CTNNA3: variants seen among roughly 807,000 people sequenced by gnomAD.
The protein encoded by CTNNA3 is catenin alpha 3.
In CTNNA3, 76 loss-of-function variants were observed where a neutral mutation model predicts 95.7. The observed-to-expected ratio is 0.79, with a 90% CI of 0.66 to 0.96. The LOEUF (loss-of-function observed/expected upper bound fraction) is 0.96, where lower values mean the gene tolerates loss of function less well. CTNNA3 is among the 40% of genes least tolerant of loss of function. The pLI is 0.00. For missense variants in CTNNA3, 1,191 were observed against 1,089.8 expected, an observed-to-expected ratio of 1.09 and a Z score of -1.31; for synonymous variants, 431 against 374.4, an observed-to-expected ratio of 1.15 and a Z score of -1.74.
intron 17 of CTNNA3, among the ~76,000 whole-genome samples, chr10:65,961,200 G>T (rs2077834913): frequency 6.6e-6 from 1 of 152,054 alleles, no homozygotes; most frequent in Middle Eastern, 3.4e-3. Flanking sequence ...TGACCCTCAA[G>T]TATCTCTTTC....
intron 13 of CTNNA3, among the ~76,000 whole-genome samples, chr10:66,136,194 G>A (rs565266884): frequency 1.6e-3 from 240 of 152,244 alleles, no homozygotes; most frequent in African/African-American, 5.6e-3. Flanking sequence ...GAGCCACCGC[G>A]CCAGGCCACG....
chr10:67,393,823 T>A (rs1041834340), intron 5 of CTNNA3, among the ~76,000 whole-genome samples: 2 of 152,114 alleles, frequency 1.3e-5, no homozygotes, highest in African/African-American at 4.8e-5. Context: ...AATAAAAAGA[T>A]ATATATACCT....
intron 1 of CTNNA3, among the ~76,000 whole-genome samples, chr10:67,727,928 T>G (rs1841250127): frequency 7.5e-6 from 1 of 133,740 alleles, no homozygotes; most frequent in South Asian, 2.2e-4. Flanking sequence ...ATATATTACA[T>G]ATTATATTAT....
At chr10:66,574,303 A>G (rs1842945352) in intron 10 of CTNNA3, among the ~76,000 whole-genome samples, 1 of 152,110 alleles carries the variant, frequency 6.6e-6, no homozygotes, top group Non-Finnish European at 1.5e-5. Flanking sequence ...TAATGTAATA[A>G]TTACTACCAT....
At chr10:67,247,679 T>G (rs1373014535) in intron 5 of CTNNA3, among the ~76,000 whole-genome samples, 2 of 152,186 alleles carry the variant, frequency 1.3e-5, no homozygotes, top group African/African-American at 4.8e-5. Context: ...AAAATTCATA[T>G]GAAAATGTAA....
intron 12 of CTNNA3, among the ~76,000 whole-genome samples, chr10:66,360,765 TTCC>T (rs2092659705): frequency 9.2e-6 from 1 of 108,746 alleles, no homozygotes; most frequent in African/African-American, 3.6e-5. Flanking sequence ...CCTTCCTTCC[TTCC>T]TTTTCTTTCT....
chr10:66,536,163 CAGAGACAGAG>C (rs1463737469), intron 10 of CTNNA3, among the ~76,000 whole-genome samples: 12 of 115,858 alleles, frequency 1.0e-4, no homozygotes, highest in African/African-American at 2.7e-4. Flanking sequence ...GAGAGAGAGA[CAGAGACAGAG>C]AGAGACAGAG....
chr10:67,334,537 G>C (rs561987191), intron 5 of CTNNA3: 1 of 152,554 alleles, frequency 6.6e-6, no homozygotes, highest in East Asian at 1.9e-4. Context: ...TAGAAAACAA[G>C]AAGGCTCAGA....
In CTNNA3 at chr10:67,219,801, G is replaced by A. The variant is rs374834298; in HGVS notation, c.649C>T (p.Leu217Phe). The change falls in exon 6 of 18, where the codon CTC becomes TTC. Residue 217 changes from leucine to phenylalanine, a missense_variant. Leu to Phe is a conservative substitution (Grantham distance 22). Coordinates refer to ENST00000433211, the MANE Select transcript of CTNNA3 (RefSeq NM_013266.4). ...ARASLKENSP[L>F]LHSICSACLE... ...CAAGCTGAACAAATTGAATGCAAGA[G>A]GGGAGAGTTCTCCTTCAGTGAAGCT... 6.2e-7 allele frequency: 1 copy of A among 1,613,996 alleles called. No homozygotes were observed. Among genetic ancestry groups the A allele is most frequent in the Non-Finnish European group, 8.5e-7 (1 of 1,179,910 alleles).
intron 5 of CTNNA3, among the ~76,000 whole-genome samples, chr10:67,292,423 G>T (rs533354598): frequency 6.6e-6 from 1 of 151,972 alleles, no homozygotes; most frequent in African/African-American, 2.4e-5. Flanking sequence ...TCCCAACAAA[G>T]TAAAGTGGGA....
chr10:66,153,778 T>G (rs1371332479), intron 13 of CTNNA3, among the ~76,000 whole-genome samples: 1 of 151,726 alleles, frequency 6.6e-6, no homozygotes, highest in Non-Finnish European at 1.5e-5. Flanking sequence ...TGAAAACGTA[T>G]CCTATGCTGG....
At chr10:66,248,583 T>G (rs535968795) in intron 13 of CTNNA3, among the ~76,000 whole-genome samples, 2 of 150,054 alleles carry the variant, frequency 1.3e-5, no homozygotes, top group African/African-American at 4.9e-5. Context: ...AAAAAAAGAG[T>G]AAGAGTTGCT....
At chr10:66,515,658 G>A (rs992636084) in intron 11 of CTNNA3, among the ~76,000 whole-genome samples, 24 of 152,086 alleles carry the variant, frequency 1.6e-4, no homozygotes, top group Non-Finnish European at 2.8e-4. Flanking sequence ...GAGGCCTCAG[G>A]AAACTTACAA....
intron 11 of CTNNA3, among the ~76,000 whole-genome samples, chr10:66,493,602 T>C (rs1385533650): frequency 5.7e-5 from 8 of 139,712 alleles, no homozygotes; most frequent in African/African-American, 2.4e-4. Flanking sequence ...CTACAGTATT[T>C]TTTTTTTTTT....
chr10:67,000,431 G>A (rs191446139), intron 7 of CTNNA3, among the ~76,000 whole-genome samples: 3 of 152,278 alleles, frequency 2.0e-5, no homozygotes, highest in Non-Finnish European at 2.9e-5. Flanking sequence ...TTATTGTGAT[G>A]ATGTTGACTG....
intron 5 of CTNNA3, among the ~76,000 whole-genome samples, chr10:67,287,044 A>C (rs1038772927): frequency 6.6e-6 from 1 of 150,714 alleles, no homozygotes; most frequent in Non-Finnish European, 1.5e-5. Context: ...CTGGAACATG[A>C]AAAAACATGC....
intron 7 of CTNNA3, among the ~76,000 whole-genome samples, chr10:67,167,565 C>T (rs940831875): frequency 1.3e-5 from 2 of 152,212 alleles, no homozygotes; most frequent in Non-Finnish European, 2.9e-5. Context: ...AAGTATTAAA[C>T]TCTATCTTTT....
At chr10:67,024,998 C>T (rs147970693) in intron 7 of CTNNA3, among the ~76,000 whole-genome samples, 3,361 of 151,644 alleles carry the variant, frequency 0.022, 139 homozygotes, top group African/African-American at 0.077. Context: ...GGTGTGGTGG[C>T]GCATGCCTGT....
intron 12 of CTNNA3, among the ~76,000 whole-genome samples, chr10:66,311,037 C>A (rs1045385565): frequency 1.3e-5 from 2 of 152,104 alleles, no homozygotes; most frequent in African/African-American, 4.8e-5. Flanking sequence ...GTCCTAAATG[C>A]AATAATGCTC....
Sources: gnomAD v4.1 joint callset for allele counts (sites outside exome capture counted in the v4.1 genomes callset) on GRCh38, gnomAD v4.1.1 for gene constraint, MANE v1.5 for transcripts, NCBI Gene and HGNC (gene_info 2026-07-23, HGNC 2026-07-21) for gene names.